The following SDK1 variants were observed in gnomAD, a reference collection of about 807,000 sequenced individuals.
The protein encoded by SDK1 is protein sidekick-1.
In SDK1, 157 loss-of-function variants were observed where a neutral mutation model predicts 245.5. The ratio of observed to expected loss-of-function variants is 0.64; its 90% CI spans 0.56 to 0.73. SDK1 has a LOEUF of 0.73. Ranked by LOEUF, SDK1 falls within the 30% of genes least tolerant of loss-of-function variation. The pLI is 0.00. For synonymous variants in SDK1, 1,647 were observed against 1,278.5 expected (o/e 1.29, Z -6.15); for missense variants, 3,583 against 3,002.3 (o/e 1.19, Z -4.52).
At chr7:4,261,995 T>C (rs1235351101) in intron 44 of SDK1, among the ~76,000 whole-genome samples, 1 of 131,684 alleles carries the variant, frequency 7.6e-6, no homozygotes, top group African/African-American at 2.8e-5. Context: ...GAAAAAAAAA[T>C]CAATTTCACC....
intron 17 of SDK1, among the ~76,000 whole-genome samples, chr7:4,031,949 C>T (rs1023171354): frequency 4.6e-5 from 7 of 151,192 alleles, no homozygotes; most frequent in Non-Finnish European, 1.0e-4. Context: ...ATCGCTTGAA[C>T]CTGAGAGGCA....
chr7:3,459,467 T>C (rs1780770537), intron 1 of SDK1, among the ~76,000 whole-genome samples: 2 of 152,224 alleles, frequency 1.3e-5, no homozygotes, highest in African/African-American at 4.8e-5. Flanking sequence ...ACCCAGTTTC[T>C]GCCTGCCTTT....
chr7:3,418,486 CA>C lies in SDK1; in HGVS notation c.298+116606del, dbSNP rs1353824293. 3.9e-5 allele frequency among the ~76,000 whole-genome samples: 6 copies of C among 152,000 alleles called. No homozygotes were observed. In the South Asian group the frequency reaches 6.3e-4, roughly 16 times the overall value. ...TTCTGATCTCTGCTTATCACTCAGC[CA>C]AAAGTACAGTCATTTGCTTAAAAAA... On this transcript the variant is annotated intron_variant, in intron 1 of 44. Transcript: ENST00000404826.
chr7:4,041,405 C>T (rs188154522), intron 17 of SDK1, among the ~76,000 whole-genome samples: 1 of 152,200 alleles, frequency 6.6e-6, no homozygotes, highest in African/African-American at 2.4e-5. Flanking sequence ...TCAGCATCCC[C>T]CACCAGAGTG....
rs73288327 is a variant in SDK1, at chr7:3,312,489, G to T, written c.298+10605G>T. On this transcript the variant is annotated intron_variant, in intron 1 of 44. Transcript: ENST00000404826. Reference sequence around the variant, plus strand: ...TGAAAGGGGTAAGATCATAATGAAAGAGCACAGATTAGAAAAATAACATGG... The same window carrying T: ...TGAAAGGGGTAAGATCATAATGAAATAGCACAGATTAGAAAAATAACATGG... 2.0e-5 allele frequency among the ~76,000 whole-genome samples: 3 copies of T among 151,956 alleles called. No homozygotes were observed. In the South Asian group the frequency reaches 6.2e-4, roughly 32 times the overall value.
chr7:4,046,121 T>G (rs1383039675), intron 17 of SDK1, among the ~76,000 whole-genome samples: 1 of 151,938 alleles, frequency 6.6e-6, no homozygotes, highest in Non-Finnish European at 1.5e-5. Flanking sequence ...TTGTAATTCT[T>G]TGTAGCGGTG....
intron 5 of SDK1, among the ~76,000 whole-genome samples, chr7:3,916,372 C>T (rs1399514943): frequency 6.6e-6 from 1 of 152,214 alleles, no homozygotes; most frequent in African/African-American, 2.4e-5. Flanking sequence ...CAGTGTTTTG[C>T]ATGACTCAGT....
Position 3,606,959 on chromosome 7 carries a change from A to G in SDK1, c.299-12121A>G, listed in dbSNP as rs75721121. ...CTTCAAAAATCTATGGAATTTTGCA[A>G]TCAGGACACTAATAAAGAAATAATA... On this transcript the variant is annotated intron_variant, in intron 1 of 44. Transcript: ENST00000404826. 7.9e-5 allele frequency among the ~76,000 whole-genome samples: 12 copies of G among 152,322 alleles called. No individual in the cohort carries two copies. In the East Asian group the frequency reaches 9.6e-4, roughly 12 times the overall value.
At chr7:3,372,526 A>C (rs1277674268) in intron 1 of SDK1, among the ~76,000 whole-genome samples, 1 of 152,216 alleles carries the variant, frequency 6.6e-6, no homozygotes, top group Non-Finnish European at 1.5e-5. Context: ...GAGGGAGCCC[A>C]TCTGAGGACA....
chr7:3,600,807 C>G (rs1274645890), intron 1 of SDK1, among the ~76,000 whole-genome samples: 1 of 152,084 alleles, frequency 6.6e-6, no homozygotes, highest in African/African-American at 2.4e-5. Context: ...CTCGGCCTCC[C>G]AAAGTGCTGG....
chr7:4,130,512 A>G lies in SDK1; in HGVS notation c.4129+415A>G, dbSNP rs558415933. ...AAACTGCAGATAAAAGGAGACTACT[A>G]TAGTTTAAAAAATCCACAGTGGACC... On this transcript the variant is annotated intron_variant, in intron 27 of 44. Coordinates refer to ENST00000404826, the MANE Select transcript of SDK1 (RefSeq NM_152744.4). 1.3e-4 allele frequency: 22 copies of G among 172,662 alleles called. 1 individual carries two copies. In the South Asian group the frequency reaches 3.2e-3, roughly 25 times the overall value. 10.7% of individuals were successfully genotyped at this position (172,662 alleles called of 1,614,324 possible). A position where few individuals can be genotyped will look rare whatever the true frequency, so the allele number is the denominator to read the frequency against.
chr7:4,027,770 T>C (rs1787474137), intron 17 of SDK1, among the ~76,000 whole-genome samples: 1 of 152,148 alleles, frequency 6.6e-6, no homozygotes, highest in Admixed American at 6.5e-5. Flanking sequence ...AATGTGTGTC[T>C]CTCTCTTCAG....
At chr7:3,697,886 G>A (rs1270722060) in intron 4 of SDK1, among the ~76,000 whole-genome samples, 1 of 152,050 alleles carries the variant, frequency 6.6e-6, no homozygotes, top group Non-Finnish European at 1.5e-5. Context: ...TTCCCTTTTT[G>A]TCCTGAGTAC....
chr7:3,573,929 A>G (rs1441928865), intron 1 of SDK1, among the ~76,000 whole-genome samples: 1 of 152,076 alleles, frequency 6.6e-6, no homozygotes, highest in Non-Finnish European at 1.5e-5. Flanking sequence ...TGACAGGTTC[A>G]TCAATTCTAC....
chr7:3,978,368 C>A (rs1278705194), intron 13 of SDK1, among the ~76,000 whole-genome samples: 1 of 152,160 alleles, frequency 6.6e-6, no homozygotes, highest in African/African-American at 2.4e-5. Flanking sequence ...AAGTAAAATA[C>A]ATTTTTCAGC....
chr7:4,031,616 T>C (rs565426491), intron 17 of SDK1, among the ~76,000 whole-genome samples: 1 of 152,242 alleles, frequency 6.6e-6, no homozygotes, highest in Admixed American at 6.5e-5. Context: ...ATTATATGTA[T>C]GTAGAGAAAT....
chr7:3,329,878 A>G (rs1212918035), intron 1 of SDK1, among the ~76,000 whole-genome samples: 1 of 152,246 alleles, frequency 6.6e-6, no homozygotes, highest in African/African-American at 2.4e-5. Context: ...ATTATAAGTA[A>G]TCTAGCGATG....
chr7:3,802,822 G>T (rs1779140162), intron 4 of SDK1, among the ~76,000 whole-genome samples: 1 of 152,148 alleles, frequency 6.6e-6, no homozygotes, highest in Non-Finnish European at 1.5e-5. Flanking sequence ...CGGATTCTGT[G>T]CAACAGAGGT....
chr7:4,241,993 C>T (rs1786553845), intron 43 of SDK1, 80 bp downstream of exon 43: 4 of 1,514,320 alleles, frequency 2.6e-6, no homozygotes, highest in Admixed American at 3.6e-5. Context: ...CCCACTGGCA[C>T]CTCCTGCATC....
Sources: allele counts gnomAD v4.1 joint callset (sites outside exome capture counted in the v4.1 genomes callset), GRCh38; gene constraint gnomAD v4.1.1; transcripts MANE v1.5; gene names NCBI Gene and HGNC (gene_info 2026-07-23, HGNC 2026-07-21).